RYR2: variants seen among roughly 807,000 people sequenced by gnomAD.
RYR2 encodes ryanodine receptor 2.
RYR2 carries 227 observed loss-of-function variants against 601.1 expected under a neutral mutation model. The observed-to-expected ratio is 0.38, with a 90% CI of 0.34 to 0.42. The LOEUF is 0.42. Among genes scored for constraint, RYR2 ranks in the 10% least tolerant of loss-of-function variants. The probability of loss-of-function intolerance (pLI) is 1.00; values close to 1 mark genes in which losing one functional copy is unlikely to be tolerated. For missense variants in RYR2, 4,646 were observed against 6,156.5 expected (o/e 0.75, Z 8.21); for synonymous variants, 2,223 against 2,175.1 (o/e 1.02, Z -0.61).
intron 25 of RYR2, among the ~76,000 whole-genome samples, chr1:237,536,864 C>T (rs545043539): frequency 6.6e-5 from 10 of 150,600 alleles, no homozygotes; most frequent in African/African-American, 1.5e-4. Flanking sequence ...CCAGCCTGGG[C>T]GACAGAGCGA....
At chr1:237,467,121 T>C (rs1279402880) in intron 16 of RYR2, among the ~76,000 whole-genome samples, 1 of 148,568 alleles carries the variant, frequency 6.7e-6, no homozygotes, top group East Asian at 1.9e-4. Flanking sequence ...TAATTTTAGA[T>C]AGATAATATG....
intron 60 of RYR2, among the ~76,000 whole-genome samples, 159 bp from the exon 61 acceptor site, chr1:237,677,889 T>A (rs1440820688): frequency 6.6e-6 from 1 of 152,210 alleles, no homozygotes; most frequent in Non-Finnish European, 1.5e-5. Flanking sequence ...TTATTTTTAA[T>A]GACACTGCCA....
At chr1:237,055,854 T>C (rs544978780) in intron 1 of RYR2, among the ~76,000 whole-genome samples, 19 of 152,160 alleles carry the variant, frequency 1.2e-4, no homozygotes, top group Admixed American at 7.9e-4. Flanking sequence ...AGTGCCCTCC[T>C]AACAAGAAGG....
At chr1:237,796,615 CTTCA>C (rs1489269127) in intron 96 of RYR2, among the ~76,000 whole-genome samples, 1 of 151,998 alleles carries the variant, frequency 6.6e-6, no homozygotes, top group African/African-American at 2.4e-5. Context: ...ATATTTCCTT[CTTCA>C]TTCACTTCAA....
intron 41 of RYR2, 146 bp from the exon 42 acceptor site, chr1:237,631,281 T>G: frequency 1.7e-6 from 1 of 584,512 alleles, no homozygotes; most frequent in South Asian, 2.4e-5. Context: ...ACAATTACAT[T>G]CATTAATTTT....
rs1278405838 is a variant in RYR2, at chr1:237,387,159, G to A, written c.577-122G>A. ...TTTTTTGATTCTTGAATGACAGGTTGAAACAGATGTTCTCTATGAACATAA... is the reference window on the plus strand; with the variant it reads ...TTTTTTGATTCTTGAATGACAGGTTAAAACAGATGTTCTCTATGAACATAA... On this transcript the variant is annotated intron_variant, in intron 8 of 104. Transcript: ENST00000366574. The A allele has an allele frequency of 6.0e-6, 5 of 832,744 alleles. No individual in the cohort carries two copies. The East Asian group carries it at 1.2e-4, about 21-fold the overall frequency. 51.6% of individuals were successfully genotyped at this position (832,744 alleles called of 1,614,324 possible).
At chr1:237,561,452 GA>G (rs970824773) in intron 27 of RYR2, among the ~76,000 whole-genome samples, 3 of 152,132 alleles carry the variant, frequency 2.0e-5, no homozygotes, top group African/African-American at 7.2e-5. Flanking sequence ...TCAGTAAAGG[GA>G]GAAAATGTCT....
intron 8 of RYR2, among the ~76,000 whole-genome samples, chr1:237,382,293 G>A (rs1701585135): frequency 6.6e-6 from 1 of 152,174 alleles, no homozygotes; most frequent in South Asian, 2.1e-4. Context: ...AAGGGTGATG[G>A]AAAATGCTTA....
Position 237,492,169 on chromosome 1 carries a change from C to T in RYR2, c.1827+245C>T, listed in dbSNP as rs540732235. On this transcript the variant is annotated intron_variant, in intron 18 of 104. Coordinates refer to ENST00000366574, the MANE Select transcript of RYR2 (RefSeq NM_001035.3). ...GTCTCAGCCTCTCAAGTAGCTGGGA[C>T]TACAGGTGCATGCCACCATGCCCGG... Among the ~76,000 whole-genome samples, 223 of 152,226 alleles carry T rather than the reference C, an allele frequency of 1.5e-3. 1 individual carries two copies. Among genetic ancestry groups the T allele is most frequent in the South Asian group, 2.7e-3 (13 of 4,790 alleles).
intron 17 of RYR2, among the ~76,000 whole-genome samples, chr1:237,483,023 C>T (rs1168942586): frequency 6.6e-6 from 1 of 152,176 alleles, no homozygotes; most frequent in Non-Finnish European, 1.5e-5. Context: ...TGCCCACTTG[C>T]CCTCCTTGTT....
At chr1:237,776,611 CT>C (rs1426480422) in intron 87 of RYR2, among the ~76,000 whole-genome samples, 2 of 151,804 alleles carry the variant, frequency 1.3e-5, no homozygotes, top group Non-Finnish European at 2.9e-5. Context: ...CCAATCTAGG[CT>C]TTTTTTACTC....
chr1:237,462,698 A>G (rs772937471), intron 16 of RYR2, among the ~76,000 whole-genome samples: 21 of 152,194 alleles, frequency 1.4e-4, no homozygotes, highest in Non-Finnish European at 2.9e-4. Flanking sequence ...CATTCAAACC[A>G]ATTTCCCAGT....
chr1:237,144,679 C>T (rs1347731578), intron 1 of RYR2, among the ~76,000 whole-genome samples: 2 of 152,154 alleles, frequency 1.3e-5, no homozygotes, highest in South Asian at 2.1e-4. Context: ...AATTAAACCT[C>T]TTATTTTTAA....
chr1:237,441,432 T>G lies in RYR2; in HGVS notation c.1119T>G (p.Thr373=), dbSNP rs202231354. Residue 373 remains threonine (T), a synonymous_variant, in exon 13 of 105, where the codon ACT becomes ACG. Transcript: ENST00000366574. ...IQHVDTGLWL[T]YQSVDVKSVR... ...ATGTAGACACAGGCCTATGGCTTAC[T>G]TACCAGTCTGTGGACGTGAAATCCG... 2 of 1,608,490 alleles carry G rather than the reference T, an allele frequency of 1.2e-6. No individual in the cohort carries two copies. The highest frequency in any genetic ancestry group is 2.2e-5 in the South Asian group (2 of 89,972).
In RYR2 at chr1:237,790,312, T is replaced by C. The variant is rs73103918; in HGVS notation, c.13477-1117T>C. ...ACAACCCAACGATAATTATTCTCAG[T>C]TGTTCCAAATACATCGAGTCTGCCC... is the stretch of plus-strand genomic sequence containing the variant. On this transcript the variant is annotated intron_variant, in intron 92 of 104. Transcript: ENST00000366574. Among the ~76,000 whole-genome samples the C allele has an allele frequency of 3.8e-3, 583 of 152,254 alleles. 4 individuals are homozygous for C. The highest frequency in any genetic ancestry group is 0.013 in the African/African-American group (535 of 41,554).
At chr1:237,239,570 C>G (rs767075577) in intron 1 of RYR2, among the ~76,000 whole-genome samples, 1 of 152,074 alleles carries the variant, frequency 6.6e-6, no homozygotes, top group Non-Finnish European at 1.5e-5. Context: ...TTACTGCACA[C>G]GTGGCAACAA....
chr1:237,346,367 C>CAAAAAAAAAAAAAAAAAAAAAAAAAAAAA (rs397975831), intron 3 of RYR2, among the ~76,000 whole-genome samples: 21 of 62,334 alleles, frequency 3.4e-4, no homozygotes, highest in South Asian at 4.8e-4. Flanking sequence ...GGGTCTACCT[C>CAAAAAAAAAAAAAAAAAAAAAAAAAAAAA]AAAAAAAAAA....
intron 1 of RYR2, among the ~76,000 whole-genome samples, chr1:237,067,551 T>C (rs1034325663): frequency 1.3e-5 from 2 of 152,228 alleles, no homozygotes; most frequent in Non-Finnish European, 2.9e-5. Flanking sequence ...ATATGTCAGG[T>C]AGCGTGTTTT....
intron 27 of RYR2, among the ~76,000 whole-genome samples, chr1:237,557,974 A>C (rs1671072973): frequency 6.6e-6 from 1 of 152,206 alleles, no homozygotes; most frequent in South Asian, 2.1e-4. Context: ...CTATTGCTAG[A>C]GAGAAACAGA....
Sources: gnomAD v4.1 joint callset for allele counts (sites outside exome capture counted in the v4.1 genomes callset) on GRCh38, gnomAD v4.1.1 for gene constraint, MANE v1.5 for transcripts, NCBI Gene and HGNC (gene_info 2026-07-23, HGNC 2026-07-21) for gene names.